CSMD2: variants seen among roughly 807,000 people sequenced by gnomAD.
CSMD2 encodes the protein CUB and Sushi multiple domains 2.
In CSMD2, 130 loss-of-function variants were observed where a neutral mutation model predicts 398.5. That is an observed-to-expected ratio of 0.33 (90% CI 0.28 to 0.38). The LOEUF is 0.38. Ranked by LOEUF, CSMD2 falls within the 10% of genes least tolerant of loss-of-function variation. The pLI, the probability that CSMD2 is intolerant of heterozygous loss-of-function variation, is 1.00. For synonymous variants in CSMD2, 1,828 were observed against 1,908.5 expected (o/e 0.96, Z 1.10); for missense variants, 3,829 against 4,764.9 (o/e 0.80, Z 5.78).
chr1:33,788,958 C>T (rs190206745), intron 11 of CSMD2, among the ~76,000 whole-genome samples: 1 of 152,276 alleles, frequency 6.6e-6, no homozygotes, highest in East Asian at 1.9e-4. Context: ...GACTCTCTAG[C>T]CCTGACCCTT....
chr1:33,843,619 G>C (rs1043686789), intron 6 of CSMD2, among the ~76,000 whole-genome samples: 2 of 151,894 alleles, frequency 1.3e-5, no homozygotes, highest in African/African-American at 4.8e-5. Context: ...GCTGATCTCT[G>C]TGGACTGCTA....
chr1:34,014,791 CA>C (rs1311514746), intron 3 of CSMD2, among the ~76,000 whole-genome samples: 4 of 152,178 alleles, frequency 2.6e-5, no homozygotes, highest in African/African-American at 9.7e-5. Context: ...ACAGCAACAA[CA>C]AAACACCTAG....
chr1:33,653,300 C>A (rs1360575698), intron 27 of CSMD2, among the ~76,000 whole-genome samples: 1 of 152,206 alleles, frequency 6.6e-6, no homozygotes, highest in African/African-American at 2.4e-5. Flanking sequence ...CCTTCCTTCA[C>A]TGCCTCACAT....
chr1:33,663,952 C>T (rs539693228), intron 25 of CSMD2, among the ~76,000 whole-genome samples: 38 of 152,298 alleles, frequency 2.5e-4, no homozygotes, highest in Non-Finnish European at 4.6e-4. Context: ...GCATTTGTCA[C>T]GACTAAGAAA....
intron 49 of CSMD2, among the ~76,000 whole-genome samples, chr1:33,574,056 CA>C (rs1215360647): frequency 6.6e-6 from 1 of 152,150 alleles, no homozygotes; most frequent in East Asian, 1.9e-4. Flanking sequence ...TTTACCCAGT[CA>C]ACTGACCAAA....
intron 25 of CSMD2, among the ~76,000 whole-genome samples, chr1:33,675,876 G>GATGC (rs1464228895): frequency 2.6e-5 from 4 of 152,214 alleles, no homozygotes; most frequent in Admixed American, 2.0e-4. Context: ...TATCTCAATA[G>GATGC]ATGCAGAAAA....
chr1:33,648,935 A>G (rs1178636070), intron 28 of CSMD2, among the ~76,000 whole-genome samples: 2 of 152,352 alleles, frequency 1.3e-5, no homozygotes, highest in Non-Finnish European at 2.9e-5. Context: ...TTAAATTACC[A>G]GGACCCTCTG....
At chr1:34,076,909 C>CAAAA (rs1160217243) in intron 2 of CSMD2, among the ~76,000 whole-genome samples, 169 of 10,208 alleles carry the variant, frequency 0.017, 21 homozygotes, top group Non-Finnish European at 0.021. Flanking sequence ...TACAGCAAAG[C>CAAAA]AAAAAAAAAA....
At chr1:33,902,458 T>G (rs1642816166) in intron 5 of CSMD2, among the ~76,000 whole-genome samples, 1 of 152,180 alleles carries the variant, frequency 6.6e-6, no homozygotes, top group Non-Finnish European at 1.5e-5. Context: ...TCCTCTTTGG[T>G]GCACACGAAT....
At chr1:33,947,094 C>A (rs1166823943) in intron 3 of CSMD2, among the ~76,000 whole-genome samples, 3 of 152,190 alleles carry the variant, frequency 2.0e-5, no homozygotes, top group Admixed American at 2.0e-4. Flanking sequence ...CTGAACCAAT[C>A]CTGGCAAAGG....
intron 10 of CSMD2, chr1:33,804,934 G>T (rs1469386798): frequency 1.4e-6 from 1 of 715,828 alleles, no homozygotes; most frequent in Admixed American, 2.0e-5. Flanking sequence ...GCCTTTCTGG[G>T]CTCCCTCAGC....
At position 33,754,849 on chromosome 1, in the gene CSMD2, T is replaced by C. The variant is rs148384677; in HGVS notation, c.1847-11243A>G. On this transcript the variant is annotated intron_variant, in intron 13 of 70. Transcript: ENST00000373381. The stretch of plus-strand genomic sequence containing the variant: ...AATAGAGGAAGGGCGAGGATGGGTG[T>C]TGGTCTGTAGGCTTGGTGTCTTTAG... 5.3e-5 allele frequency among the ~76,000 whole-genome samples: 8 copies of C among 152,188 alleles called. No homozygotes were observed. The East Asian group carries it at 1.5e-3, about 29-fold the overall frequency.
Position 33,617,557 on chromosome 1 carries a change from T to G in CSMD2, c.5888A>C (p.Glu1963Ala), listed in dbSNP as rs1031251587. The stretch of plus-strand genomic sequence containing the variant: ...CACCACATCATTCACCAAGTAGCGC[T>G]CGCCAGTCTTCACCCCGTTACTGGG... ...AVPSNGVKTG[E>A]RYLVNDVVSF... The change falls in exon 38 of 71, where the codon GAG becomes GCG. Residue 1963 changes from glutamate to alanine, a missense_variant. Glu to Ala is a moderately radical substitution (Grantham distance 107). Around this residue, in one of 5 missense-constraint regions of CSMD2, gnomAD observed 2,001 missense variants for 2,567.1 expected, o/e 0.78. Coordinates refer to ENST00000373381, the MANE Select transcript of CSMD2 (RefSeq NM_001281956.2). The G allele has an allele frequency of 1.2e-6, 2 of 1,614,054 alleles. No homozygotes were observed. The highest frequency in any genetic ancestry group is 1.7e-6 in the Non-Finnish European group (2 of 1,180,000).
chr1:33,739,462 G>A (rs1646988187), intron 14 of CSMD2, 128 bp from the exon 15 acceptor site: 2 of 884,202 alleles, frequency 2.3e-6, no homozygotes, highest in Admixed American at 2.8e-5. Flanking sequence ...TTGCCATGTT[G>A]GCGGGAGAGC....
At chr1:34,016,243 C>A (rs1175761603) in intron 3 of CSMD2, among the ~76,000 whole-genome samples, 2 of 151,948 alleles carry the variant, frequency 1.3e-5, no homozygotes, top group African/African-American at 4.8e-5. Context: ...ACCTATCAAC[C>A]CGTCATCTAG....
At chr1:33,805,405 C>T (rs1656106861) in intron 10 of CSMD2, among the ~76,000 whole-genome samples, 1 of 152,102 alleles carries the variant, frequency 6.6e-6, no homozygotes, top group Non-Finnish European at 1.5e-5. Flanking sequence ...AAATGTTGTG[C>T]AGAGGAAATC....
rs568684319 is a variant in CSMD2 at position 33,614,513 on chromosome 1, C to T, written c.6124G>A (p.Val2042Met). The T allele has an allele frequency of 2.5e-5, 40 of 1,593,952 alleles. No homozygotes were observed. The highest frequency in any genetic ancestry group is 4.0e-5 in the African/African-American group (3 of 74,500). The change falls in exon 40 of 71, where the codon GTG becomes ATG. Residue 2042 changes from valine (V) to methionine (M), a missense_variant. Coordinates refer to ENST00000373381, the MANE Select transcript of CSMD2 (RefSeq NM_001281956.2). ...GGCTGCAGAGACTTACCAAAGCCCA[C>T]GGGCAGTGCTATTTTCCAGGAGCAG... ...MDCSWKIALP[V>M]GFGAHIQFLN...
At chr1:34,092,714 G>T (rs1027968382) in intron 1 of CSMD2, among the ~76,000 whole-genome samples, 3 of 151,572 alleles carry the variant, frequency 2.0e-5, no homozygotes, top group Non-Finnish European at 3.0e-5. Context: ...CTTAAAAAAC[G>T]GCGCACCACG....
intron 1 of CSMD2, among the ~76,000 whole-genome samples, chr1:34,162,860 A>C (rs1262227164): frequency 6.8e-6 from 1 of 147,160 alleles, no homozygotes; most frequent in Admixed American, 6.6e-5. Flanking sequence ...ACTCCGTCTT[A>C]AAAAAAATTT....
Sources: gnomAD v4.1 joint callset for allele counts (sites outside exome capture counted in the v4.1 genomes callset) on GRCh38, gnomAD v4.1.1 for gene constraint, gnomAD v4.1.1 regional missense constraint, MANE v1.5 for transcripts, NCBI Gene and HGNC (gene_info 2026-07-23, HGNC 2026-07-21) for gene names.